Variants in ETFB observed in about 807,000 individuals in gnomAD.
ETFB encodes the protein electron transfer flavoprotein subunit beta.
A neutral mutation model predicts 25.6 loss-of-function variants in ETFB; 20 were observed. The observed-to-expected ratio is 0.78, with a 90% CI of 0.55 to 1.14. The LOEUF (loss-of-function observed/expected upper bound fraction) is 1.14, where lower values mean the gene tolerates loss of function less well. Among genes scored for constraint, ETFB ranks in the 50% most tolerant of loss-of-function variants. The pLI is 0.00. For synonymous variants in ETFB, 142 were observed against 146.7 expected (o/e 0.97, Z 0.23); for missense variants, 286 against 342.6 (o/e 0.83, Z 1.30).
chr19:51,356,124 A>G (rs1317208163), intron 1 of ETFB: 1 of 151,860 alleles, frequency 6.6e-6, no homozygotes, highest in Non-Finnish European at 1.5e-5. Context: ...TAATTTTTTA[A>G]AAAAAAAGCT....
chr19:51,345,783 A>T (rs1056500927), intron 5 of ETFB: 1 of 338,798 alleles, frequency 3.0e-6, no homozygotes, highest in Non-Finnish European at 5.8e-6. Context: ...AACCCTCCCT[A>T]TAGGCTGAGA....
intron 1 of ETFB, among the ~76,000 whole-genome samples, chr19:51,358,033 G>A (rs768198643): frequency 2.0e-5 from 3 of 152,184 alleles, no homozygotes; most frequent in Admixed American, 2.0e-4. Flanking sequence ...AGCCAGAGCC[G>A]GGAAGACGGC....
chr19:51,354,454 G>T, intron 1 of ETFB, 146 bp from the exon 2 acceptor site: 1 of 1,613,906 alleles, frequency 6.2e-7, no homozygotes, highest in South Asian at 1.1e-5. Flanking sequence ...CAGCTCCAGG[G>T]ACAGAACTGG....
At chr19:51,357,954 G>A (rs908348169) in intron 1 of ETFB, among the ~76,000 whole-genome samples, 3 of 152,232 alleles carry the variant, frequency 2.0e-5, no homozygotes, top group Non-Finnish European at 4.4e-5. Flanking sequence ...GGTTTCTGGA[G>A]GTGCAACTGA....
chr19:51,351,074 C>A (rs1985923619), intron 3 of ETFB, among the ~76,000 whole-genome samples: 1 of 152,220 alleles, frequency 6.6e-6, no homozygotes, highest in African/African-American at 2.4e-5. Context: ...CAAGTCTCTG[C>A]CCTCTGTATA....
chr19:51,361,533 A>C (rs1239630756), intron 1 of ETFB, among the ~76,000 whole-genome samples: 1 of 151,974 alleles, frequency 6.6e-6, no homozygotes, highest in African/African-American at 2.4e-5. Context: ...AAAGAGGAAA[A>C]CCTGAAGAAA....
intron 1 of ETFB, among the ~76,000 whole-genome samples, chr19:51,361,458 C>T (rs1986223917): frequency 6.6e-6 from 1 of 152,082 alleles, no homozygotes; most frequent in Non-Finnish European, 1.5e-5. Context: ...ACATGTGAGC[C>T]CCACGTGTGC....
At chr19:51,363,088 G>A (rs1986270661) in intron 1 of ETFB, among the ~76,000 whole-genome samples, 1 of 152,112 alleles carries the variant, frequency 6.6e-6, no homozygotes, top group Admixed American at 6.5e-5. Context: ...CTAAGTATAG[G>A]GGAAAACACA....
intron 4 of ETFB, among the ~76,000 whole-genome samples, chr19:51,348,698 AAAAAC>A: frequency 2.8e-5 from 1 of 35,904 alleles, no homozygotes; most frequent in South Asian, 5.3e-4. Context: ...AAAAAAAAAC[AAAAAC>A]AAACAAACAA....
chr19:51,359,070 G>A (rs1476655666), intron 1 of ETFB, among the ~76,000 whole-genome samples: 1 of 151,536 alleles, frequency 6.6e-6, no homozygotes, highest in African/African-American at 2.4e-5. Flanking sequence ...AGAAAGAACT[G>A]TTATTTTCAT....
intron 1 of ETFB, 133 bp downstream of exon 1, chr19:51,366,137 G>A: frequency 1.1e-6 from 1 of 873,734 alleles, no homozygotes; most frequent in East Asian, 2.5e-5. Context: ...TTGCCCTCAG[G>A]TGACTTTGAC....
chr19:51,352,929 A>G (rs1985964138), intron 3 of ETFB, among the ~76,000 whole-genome samples: 1 of 152,124 alleles, frequency 6.6e-6, no homozygotes, highest in African/African-American at 2.4e-5. Flanking sequence ...TGCCTGGCCC[A>G]AGAGGATCTT....
chr19:51,365,861 A>G (rs1440673585), intron 1 of ETFB, among the ~76,000 whole-genome samples: 3 of 152,158 alleles, frequency 2.0e-5, no homozygotes, highest in African/African-American at 4.8e-5. Context: ...TAAGAGTACA[A>G]TGGTAAGTAA....
intron 3 of ETFB, among the ~76,000 whole-genome samples, chr19:51,351,556 A>G (rs1390537108): frequency 6.6e-6 from 1 of 152,228 alleles, no homozygotes. Context: ...TCGGAGTCTG[A>G]GAACGACCAG....
At chr19:51,350,592 C>A (rs1985911873) in intron 3 of ETFB, among the ~76,000 whole-genome samples, 1 of 152,170 alleles carries the variant, frequency 6.6e-6, no homozygotes, top group Non-Finnish European at 1.5e-5. Context: ...TCAAGCAATT[C>A]TCCTGCCTCA....
At chr19:51,355,644 T>C (rs1318324137) in intron 1 of ETFB, 2 of 152,034 alleles carry the variant, frequency 1.3e-5, no homozygotes, top group Non-Finnish European at 2.9e-5. Context: ...CATGCACACA[T>C]ATGTTTATTG....
intron 1 of ETFB, chr19:51,356,852 G>A (rs1162453160): frequency 6.6e-6 from 1 of 152,150 alleles, no homozygotes; most frequent in Non-Finnish European, 1.5e-5. Context: ...AGCTTCTGCT[G>A]ACACTCCCTG....
intron 5 of ETFB, chr19:51,345,955 G>A (rs1159055513): frequency 5.1e-5 from 6 of 117,982 alleles, no homozygotes; most frequent in Admixed American, 8.1e-5. Flanking sequence ...GAGATGATGC[G>A]CAGAACCCTC....
Position 51,346,908 on chromosome 19 carries a change from T to TG in ETFB, c.588dup (p.Asn197GlnfsTer47). 1 of 1,554,016 alleles carries TG rather than the reference T, an allele frequency of 6.4e-7. No homozygotes were observed. Among genetic ancestry groups the TG allele is most frequent in the Non-Finnish European group, 8.7e-7 (1 of 1,148,850 alleles). ...GCTGGCCAGGGGCTCACCATGATGTTGGGCAGCGTGGCGTAGCGGGGCTCG... is the reference window on the plus strand; with the variant it reads ...GCTGGCCAGGGGCTCACCATGATGTTGGGGCAGCGTGGCGTAGCGGGGCTCG... On this transcript the variant is annotated frameshift_variant, in exon 5 of 6. Coordinates refer to ENST00000309244, the MANE Select transcript of ETFB (RefSeq NM_001985.3). LOFTEE classifies it high-confidence loss of function.
Sources: gnomAD v4.1 joint callset for allele counts (sites outside exome capture counted in the v4.1 genomes callset) on GRCh38, gnomAD v4.1.1 for gene constraint, MANE v1.5 for transcripts, NCBI Gene and HGNC (gene_info 2026-07-23, HGNC 2026-07-21) for gene names.